KIAA0513: variants seen among roughly 807,000 people sequenced by gnomAD.
KIAA0513 encodes the protein uncharacterized protein KIAA0513.
A neutral mutation model predicts 56.5 loss-of-function variants in KIAA0513; 39 were observed. The observed-to-expected ratio is 0.69, with a 90% CI of 0.53 to 0.90. The LOEUF (loss-of-function observed/expected upper bound fraction) is 0.90. Among genes scored for constraint, KIAA0513 ranks in the 40% least tolerant of loss-of-function variants. The pLI is 0.00. For synonymous variants in KIAA0513, 268 were observed against 215.6 expected, an observed-to-expected ratio of 1.24 and a Z score of -2.13; for missense variants, 591 against 535.2, an observed-to-expected ratio of 1.10 and a Z score of -1.03.
chr16:85,084,150 C>T (rs891859162), intron 10 of KIAA0513, among the ~76,000 whole-genome samples: 1 of 149,284 alleles, frequency 6.7e-6, no homozygotes, highest in Non-Finnish European at 1.5e-5. Flanking sequence ...CAACCTCCAT[C>T]TCCTGGGTTC....
intron 2 of KIAA0513, 24 bp downstream of exon 2, chr16:85,067,424 C>G (rs375969237): frequency 1.3e-6 from 2 of 1,563,754 alleles, no homozygotes; most frequent in Non-Finnish European, 1.7e-6. Context: ...GTGGACGAGA[C>G]AGCCTGGTGT....
At chr16:85,086,000 C>G (rs1338066197) in intron 10 of KIAA0513, among the ~76,000 whole-genome samples, 1 of 152,148 alleles carries the variant, frequency 6.6e-6, no homozygotes, top group Admixed American at 6.5e-5. Flanking sequence ...AGGGAGGGGA[C>G]TAGAGAGAGC....
rs1035512847 is a variant in KIAA0513 at position 85,081,914 on chromosome 16, C to G, written c.980+522C>G. 6.6e-6 allele frequency among the ~76,000 whole-genome samples: 1 copy of G among 152,366 alleles called. No homozygotes were observed. ...AGAGGGGAGGGGCTGGCACCCACCC[C>G]ACGGGGGCCGATGCCATAGCAAGCA... On this transcript the variant is annotated intron_variant, in intron 9 of 12. Coordinates refer to ENST00000683363, the MANE Select transcript of KIAA0513 (RefSeq NM_001388359.1). This position sits in a 1 kb window ranked among gnomAD's most constrained non-coding sequence, Gnocchi z 4.4.
chr16:85,085,915 C>T (rs951065646), intron 10 of KIAA0513, among the ~76,000 whole-genome samples: 4 of 152,196 alleles, frequency 2.6e-5, no homozygotes, highest in African/African-American at 9.7e-5. Flanking sequence ...GCTGTCTTCA[C>T]CATGGTCCAT....
chr16:85,061,296 C>G (rs1044376065), intron 1 of KIAA0513, among the ~76,000 whole-genome samples: 3 of 152,178 alleles, frequency 2.0e-5, no homozygotes, highest in African/African-American at 7.2e-5. Context: ...AGCAATTCCA[C>G]ATCTAGAAAT....
At chr16:85,046,932 T>TCC (rs2073179384) in intron 1 of KIAA0513, among the ~76,000 whole-genome samples, 2 of 152,242 alleles carry the variant, frequency 1.3e-5, no homozygotes, top group African/African-American at 4.8e-5. Context: ...TTAGCTCAGA[T>TCC]AAGATGTTGA....
chr16:85,050,338 TA>T (rs1205995251), intron 1 of KIAA0513, among the ~76,000 whole-genome samples: 76 of 105,748 alleles, frequency 7.2e-4, no homozygotes, highest in Non-Finnish European at 4.4e-4. Flanking sequence ...TTTATTTATT[TA>T]TTTATTTATT....
rs1349262310 is a variant in KIAA0513, at chr16:85,071,277, C to G, written c.330-506C>G. 3.3e-5 allele frequency among the ~76,000 whole-genome samples: 5 copies of G among 152,308 alleles called. No individual in the cohort carries two copies. In the South Asian group the frequency reaches 6.2e-4, roughly 19 times the overall value. On this transcript the variant is annotated intron_variant, in intron 2 of 12. Coordinates refer to ENST00000683363, the MANE Select transcript of KIAA0513 (RefSeq NM_001388359.1). ...GAAGTGCAGAGGGATGAGCGAGCGC[C>G]CCGCTGATACGTGGGAGGTGATTTT...
intron 6 of KIAA0513, among the ~76,000 whole-genome samples, 194 bp from the exon 7 acceptor site, chr16:85,078,221 A>T (rs2073687602): frequency 6.6e-6 from 1 of 152,194 alleles, no homozygotes; most frequent in Non-Finnish European, 1.5e-5. Flanking sequence ...GACATAAAGA[A>T]ACCTCAATGC....
intron 1 of KIAA0513, among the ~76,000 whole-genome samples, chr16:85,043,861 C>T (rs1281153982): frequency 1.3e-5 from 2 of 152,096 alleles, no homozygotes; most frequent in African/African-American, 4.8e-5. Flanking sequence ...GGAGAAACCC[C>T]ATCTCTACTA....
chr16:85,075,760 C>T, intron 4 of KIAA0513, 84 bp from the exon 5 acceptor site: 3 of 1,162,100 alleles, frequency 2.6e-6, no homozygotes, highest in East Asian at 2.3e-5. Context: ...ACGCATGTGT[C>T]AAGTGTCTCA....
chr16:85,075,805 G>T, intron 4 of KIAA0513, 39 bp from the exon 5 acceptor site: 1 of 1,602,994 alleles, frequency 6.2e-7, no homozygotes. Context: ...AGAAGCAGGT[G>T]GAGCGATCTT....
At chr16:85,042,303 G>C (rs1042251727) in intron 1 of KIAA0513, among the ~76,000 whole-genome samples, 1 of 152,184 alleles carries the variant, frequency 6.6e-6, no homozygotes. Flanking sequence ...TGCGGTCTGT[G>C]TGTCTTCCAA....
intron 1 of KIAA0513, among the ~76,000 whole-genome samples, chr16:85,030,180 A>G (rs1344182723): frequency 6.6e-6 from 1 of 152,058 alleles, no homozygotes; most frequent in African/African-American, 2.4e-5. Flanking sequence ...ATTTATTTAG[A>G]CGTCCTTGAG....
At chr16:85,043,710 G>A (rs780725192) in intron 1 of KIAA0513, among the ~76,000 whole-genome samples, 7 of 152,094 alleles carry the variant, frequency 4.6e-5, no homozygotes, top group East Asian at 1.9e-4. Flanking sequence ...ACCATGCCTG[G>A]CCAGGAAATG....
At chr16:85,084,244 CTTTTT>C (rs1301857160) in intron 10 of KIAA0513, among the ~76,000 whole-genome samples, 3 of 114,040 alleles carry the variant, frequency 2.6e-5, no homozygotes, top group Non-Finnish European at 3.7e-5. Context: ...CTTTTCTTTT[CTTTTT>C]CTTTTTTTTT....
At chr16:85,073,700 G>A (rs966837608) in intron 4 of KIAA0513, among the ~76,000 whole-genome samples, 2 of 152,172 alleles carry the variant, frequency 1.3e-5, no homozygotes, top group African/African-American at 2.4e-5. Flanking sequence ...TGACCGACCC[G>A]GAGCCTCGAG....
At chr16:85,045,186 G>A (rs2073155352) in intron 1 of KIAA0513, among the ~76,000 whole-genome samples, 1 of 152,168 alleles carries the variant, frequency 6.6e-6, no homozygotes, top group African/African-American at 2.4e-5. Context: ...ATGGTCTGTA[G>A]CAGTCAGATG....
chr16:85,078,819 A>T (rs2144074906), intron 7 of KIAA0513, 106 bp from the exon 8 acceptor site: 1 of 1,218,658 alleles, frequency 8.2e-7, no homozygotes, highest in South Asian at 1.2e-5. Flanking sequence ...CACGTGTTTC[A>T]GTGACATTCG....
Sources: gnomAD v4.1 joint callset for allele counts (sites outside exome capture counted in the v4.1 genomes callset) on GRCh38, gnomAD v4.1.1 for gene constraint, Gnocchi (gnomAD v3.1) non-coding constraint, MANE v1.5 for transcripts, NCBI Gene and HGNC (gene_info 2026-07-23, HGNC 2026-07-21) for gene names.